Variants in PALD1 observed in about 807,000 individuals in gnomAD.
PALD1 encodes the protein phosphatase domain containing paladin 1.
Under a neutral mutation model 96.0 loss-of-function variants are expected in PALD1, and 57 were observed. That is an observed-to-expected ratio of 0.59 (90% CI 0.48 to 0.74). PALD1 has a LOEUF of 0.74. PALD1 is among the 30% of genes least tolerant of loss of function. PALD1 has a pLI of 0.00. For missense variants in PALD1, 1,063 were observed against 1,143.7 expected (o/e 0.93, Z 1.02); for synonymous variants, 464 against 473.6 (o/e 0.98, Z 0.26).
chr10:70,496,219 C>T (rs1846193096), intron 1 of PALD1, among the ~76,000 whole-genome samples: 1 of 152,190 alleles, frequency 6.6e-6, no homozygotes, highest in Non-Finnish European at 1.5e-5. Context: ...AGCCTCACTG[C>T]AGTCCTCAGG....
chr10:70,540,554 T>C lies in PALD1; in HGVS notation c.1909-548T>C, dbSNP rs908139584. 2.6e-5 allele frequency among the ~76,000 whole-genome samples: 4 copies of C among 152,008 alleles called. No individual in the cohort carries two copies. Among genetic ancestry groups the C allele is most frequent in the African/African-American group, 9.7e-5 (4 of 41,350 alleles). On this transcript the variant is annotated intron_variant, in intron 15 of 19. Coordinates refer to ENST00000263563, the MANE Select transcript of PALD1 (RefSeq NM_014431.3). The surrounding 1 kb of genome is among the most constrained non-coding windows in gnomAD (Gnocchi z 4.2). ...AGCCACCGTGTGCGTGGTGCGTGTG[T>C]TGTAGGTGGGTCGCTGTGTGCTGTG...
intron 18 of PALD1, among the ~76,000 whole-genome samples, chr10:70,554,915 T>TCTTCCCCTCCCCCTCCTCCC (rs1554862406): frequency 9.1e-5 from 1 of 10,952 alleles, no homozygotes; most frequent in African/African-American, 4.1e-4. Context: ...CCCTCCCCTC[T>TCTTCCCCTCCCCCTCCTCCC]CCTCCCCTCC....
At chr10:70,527,021 A>G (rs1846882865) in intron 2 of PALD1, among the ~76,000 whole-genome samples, 1 of 152,150 alleles carries the variant, frequency 6.6e-6, no homozygotes, top group South Asian at 2.1e-4. Flanking sequence ...ATCATAATCA[A>G]TTCTTGGGCT....
At chr10:70,535,673 C>T (rs987479941) in intron 10 of PALD1, among the ~76,000 whole-genome samples, 1 of 121,352 alleles carries the variant, frequency 8.2e-6, no homozygotes, top group Non-Finnish European at 1.8e-5. Context: ...TCCTCCTTCT[C>T]CTTTCTTCTC....
chr10:70,553,193 C>G (rs1051546369), intron 18 of PALD1, among the ~76,000 whole-genome samples: 12 of 152,200 alleles, frequency 7.9e-5, no homozygotes, highest in Non-Finnish European at 1.8e-4. Flanking sequence ...CATTAATTAA[C>G]TGCGATACTT....
chr10:70,547,475 C>CT (rs1847393117), intron 18 of PALD1, 29 bp downstream of exon 18: 1 of 1,396,498 alleles, frequency 7.2e-7, no homozygotes, highest in Non-Finnish European at 9.6e-7. Flanking sequence ...CCACCCCACC[C>CT]TGCCCCAGCC....
chr10:70,517,651 A>C (rs372614603), intron 1 of PALD1, among the ~76,000 whole-genome samples: 109 of 152,010 alleles, frequency 7.2e-4, no homozygotes, highest in African/African-American at 2.6e-3. Context: ...CTAAGTGTTC[A>C]GTTTGATCAG....
intron 18 of PALD1, among the ~76,000 whole-genome samples, chr10:70,550,024 G>T (rs74139685): frequency 0.048 from 7,311 of 152,300 alleles, 377 homozygotes; most frequent in African/African-American, 0.14. Context: ...AAGATGTAGA[G>T]TCATTCTGGG....
chr10:70,522,431 AGGCAGGGGACCGGG>A, intron 1 of PALD1, among the ~76,000 whole-genome samples: 1 of 152,150 alleles, frequency 6.6e-6, no homozygotes, highest in Non-Finnish European at 1.5e-5. Context: ...CAGCGTCTGT[AGGCAGGGGACCGGG>A]GGCACACGTG....
chr10:70,533,375 G>C (rs1847037767), intron 7 of PALD1, among the ~76,000 whole-genome samples: 1 of 151,940 alleles, frequency 6.6e-6, no homozygotes, highest in Non-Finnish European at 1.5e-5. Flanking sequence ...ATGTGTCTGT[G>C]TGTGTATGTG....
At chr10:70,532,530 ATGGTC>A in intron 5 of PALD1, 86 bp from the exon 6 acceptor site, 1 of 1,341,324 alleles carries the variant, frequency 7.5e-7, no homozygotes, top group Non-Finnish European at 1.0e-6. Flanking sequence ...TGGCCTCTGC[ATGGTC>A]TGGTCACTCC....
rs145303304 is a variant in PALD1, at chr10:70,497,629, C to T, written c.-30+18570C>T. 2.2e-4 allele frequency among the ~76,000 whole-genome samples: 34 copies of T among 151,430 alleles called. 1 individual carries two copies. Among genetic ancestry groups the T allele is most frequent in the East Asian group, 1.6e-3 (8 of 5,140 alleles). On this transcript the variant is annotated intron_variant, in intron 1 of 19. Transcript: ENST00000263563. ...CCCTGGCTGGAGTGCAGTAGTAGCG[C>T]GATCTCGGCCCACTGCAACCTCTGC... is the stretch of plus-strand genomic sequence containing the variant.
chr10:70,541,206 G>T lies in PALD1; in HGVS notation c.2013G>T (p.Ala671=), dbSNP rs372092680. The T allele has an allele frequency of 9.3e-6, 15 of 1,613,152 alleles. No homozygotes were observed. The African/African-American group carries it at 2.0e-4, about 22-fold the overall frequency. The change falls in exon 16 of 20, where the codon GCG becomes GCT. Residue 671 remains alanine (A), a synonymous_variant. Coordinates refer to ENST00000263563, the MANE Select transcript of PALD1 (RefSeq NM_014431.3). ...GCGGCCAGGGCCGTACCACAACTGC[G>T]ATGGTGGTGGCTGTCCTGGCCTTCT... The part of the protein sequence containing the change: ...CLSGQGRTTT[A]MVVAVLAFWH...
chr10:70,546,878 G>C (rs1847376017), intron 17 of PALD1, among the ~76,000 whole-genome samples: 1 of 152,146 alleles, frequency 6.6e-6, no homozygotes, highest in East Asian at 1.9e-4. Flanking sequence ...CTGAATCCAG[G>C]AAGTTGAGGC....
At chr10:70,513,037 C>G (rs955517267) in intron 1 of PALD1, among the ~76,000 whole-genome samples, 2 of 152,226 alleles carry the variant, frequency 1.3e-5, no homozygotes, top group African/African-American at 4.8e-5. Context: ...GGCCACAAGC[C>G]GTCTCCCTCC....
chr10:70,515,704 T>C (rs1846607756), intron 1 of PALD1, among the ~76,000 whole-genome samples: 1 of 152,160 alleles, frequency 6.6e-6, no homozygotes, highest in African/African-American at 2.4e-5. Flanking sequence ...TTCATCTTTA[T>C]ACGGTCCAGC....
chr10:70,563,082 GGC>G (rs10552811), intron 18 of PALD1, among the ~76,000 whole-genome samples: 64,067 of 151,892 alleles, frequency 0.42, 13,658 homozygotes, highest in Non-Finnish European at 0.45. Flanking sequence ...CCGATGCCCA[GGC>G]TACACCCTGC....
chr10:70,559,656 G>A (rs1386727017), intron 18 of PALD1, among the ~76,000 whole-genome samples: 2 of 152,128 alleles, frequency 1.3e-5, no homozygotes, highest in Non-Finnish European at 2.9e-5. Flanking sequence ...CCGTGGGGTT[G>A]AGAAGGGCGA....
In PALD1 at chr10:70,533,027, GTCCC is replaced by G; in HGVS notation, c.828_831del (p.Pro277TrpfsTer80). On this transcript the variant is annotated frameshift_variant, in exon 7 of 20. Coordinates refer to ENST00000263563, the MANE Select transcript of PALD1 (RefSeq NM_014431.3). LOFTEE classifies it high-confidence loss of function. ...CGCCTGCCCCTGCCCGAGCAAGGGAGTCCCCTGGAGGCCCAGTTGGACGCCTTTG... is the reference window on the plus strand; with the variant it reads ...CGCCTGCCCCTGCCCGAGCAAGGGAGCTGGAGGCCCAGTTGGACGCCTTTG... 6.3e-7 allele frequency: 1 copy of G among 1,587,108 alleles called. No individual in the cohort carries two copies. Among genetic ancestry groups the G allele is most frequent in the Non-Finnish European group, 8.6e-7 (1 of 1,166,340 alleles).
Sources: gnomAD v4.1 joint callset for allele counts (sites outside exome capture counted in the v4.1 genomes callset) on GRCh38, gnomAD v4.1.1 for gene constraint, Gnocchi (gnomAD v3.1) non-coding constraint, MANE v1.5 for transcripts, NCBI Gene and HGNC (gene_info 2026-07-23, HGNC 2026-07-21) for gene names.